Variants in FOXP1 observed in about 807,000 individuals in gnomAD.
FOXP1 encodes forkhead box protein P1.
Under a neutral mutation model 98.2 loss-of-function variants are expected in FOXP1, and 15 were observed. The ratio of observed to expected loss-of-function variants is 0.15; its 90% confidence interval spans 0.10 to 0.24. The LOEUF (loss-of-function observed/expected upper bound fraction) is 0.24. FOXP1 is among the 10% of genes least tolerant of loss of function. The probability of loss-of-function intolerance (pLI) is 1.00; values close to 1 mark genes in which losing one functional copy is unlikely to be tolerated. For synonymous variants in FOXP1, 371 were observed against 314.5 expected (o/e 1.18, Z -1.90); for missense variants, 633 against 848.5 (o/e 0.75, Z 3.15).
rs533532979 is a variant in FOXP1 at position 71,110,130 on chromosome 3, C to T, written c.282+2406G>A. ...CCACTTCTGCATGGTGGCTAAAAAC[C>T]CTGTAACAGGCAAGAAGAAAAAGAG... On this transcript the variant is annotated intron_variant, in intron 7 of 20. Coordinates refer to ENST00000649528, the MANE Select transcript of FOXP1 (RefSeq NM_001349338.3). Among the ~76,000 whole-genome samples the T allele has an allele frequency of 2.0e-5, 3 of 152,196 alleles. No individual in the cohort carries two copies. In the East Asian group the frequency reaches 5.8e-4, roughly 29 times the overall value.
intron 3 of FOXP1, among the ~76,000 whole-genome samples, chr3:71,457,683 G>A (rs774604437): frequency 1.3e-5 from 2 of 152,126 alleles, no homozygotes; most frequent in Admixed American, 6.5e-5. Flanking sequence ...GAGAACTCCT[G>A]TACACAAAAA....
intron 3 of FOXP1, among the ~76,000 whole-genome samples, chr3:71,465,320 AAAAAAAG>A (rs2088585308): frequency 7.4e-6 from 1 of 134,554 alleles, no homozygotes; most frequent in Non-Finnish European, 1.7e-5. Context: ...AAAAAAAAAA[AAAAAAAG>A]AAGAAGAAGA....
intron 12 of FOXP1, among the ~76,000 whole-genome samples, chr3:71,005,509 T>C (rs1270114300): frequency 6.6e-6 from 1 of 151,936 alleles, no homozygotes; most frequent in Non-Finnish European, 1.5e-5. Flanking sequence ...ATATATTATT[T>C]GGGGGAAATG....
chr3:71,047,991 T>C lies in FOXP1; in HGVS notation c.511-896A>G, dbSNP rs780711415. ...ATTTCCTCAGTAATTATCTGAGTGA[T>C]AGAAAGATAATACAGTGCAGTAGTA... On this transcript the variant is annotated intron_variant, in intron 9 of 20. Transcript: ENST00000649528. 5.3e-5 allele frequency among the ~76,000 whole-genome samples: 8 copies of C among 152,312 alleles called. No homozygotes were observed. The East Asian group carries it at 1.2e-3, about 22-fold the overall frequency.
At chr3:70,993,181 C>T (rs764662902) in intron 13 of FOXP1, among the ~76,000 whole-genome samples, 3 of 152,234 alleles carry the variant, frequency 2.0e-5, no homozygotes, top group Non-Finnish European at 4.4e-5. Context: ...GAAACTTGTG[C>T]ACTTTTCTCC....
At chr3:71,334,033 CAG>C (rs985767641) in intron 4 of FOXP1, 1 of 151,530 alleles carries the variant, frequency 6.6e-6, no homozygotes, top group Non-Finnish European at 1.5e-5. Context: ...CAAAATCAAA[CAG>C]AAATTAAGAG....
chr3:71,578,037 G>A (rs1050189639), intron 2 of FOXP1, among the ~76,000 whole-genome samples: 2 of 151,660 alleles, frequency 1.3e-5, no homozygotes, highest in Non-Finnish European at 2.9e-5. Context: ...TGTGACATCT[G>A]ACAGGATAAG....
chr3:71,533,945 C>T (rs1189105514), intron 2 of FOXP1, among the ~76,000 whole-genome samples: 1 of 152,014 alleles, frequency 6.6e-6, no homozygotes, highest in African/African-American at 2.4e-5. Context: ...CACGGGAAGC[C>T]CAATTGTTCA....
intron 6 of FOXP1, among the ~76,000 whole-genome samples, chr3:71,163,957 T>C (rs2061275063): frequency 6.6e-6 from 1 of 152,124 alleles, no homozygotes; most frequent in Admixed American, 6.5e-5. Flanking sequence ...TCCTTCACAA[T>C]GGCGACTGTG....
chr3:71,568,793 T>C (rs2047110799), intron 2 of FOXP1, among the ~76,000 whole-genome samples: 1 of 152,054 alleles, frequency 6.6e-6, no homozygotes, highest in Admixed American at 6.6e-5. Flanking sequence ...ATTACAGGCA[T>C]GAGCCACCAC....
chr3:71,393,891 C>T (rs1300113463), intron 3 of FOXP1, among the ~76,000 whole-genome samples: 2 of 152,186 alleles, frequency 1.3e-5, no homozygotes, highest in Non-Finnish European at 2.9e-5. Flanking sequence ...GATGGGATCT[C>T]ACTGTGTTGC....
intron 3 of FOXP1, among the ~76,000 whole-genome samples, chr3:71,439,634 T>C (rs1199915045): frequency 2.0e-5 from 3 of 152,110 alleles, no homozygotes; most frequent in Admixed American, 2.0e-4. Context: ...TTCAACAGAA[T>C]ATTATTCAGC....
Position 71,351,138 on chromosome 3 carries a change from A to T in FOXP1, c.-73+8012T>A, listed in dbSNP as rs577992085. ...ACTCATGAAAGGTTATCCTGCCACAAACAGGGAATCGCCTCCGTGAATGAA... is the reference window on the plus strand; with the variant it reads ...ACTCATGAAAGGTTATCCTGCCACATACAGGGAATCGCCTCCGTGAATGAA... On this transcript the variant is annotated intron_variant, in intron 4 of 20. Transcript: ENST00000649528. Among the ~76,000 whole-genome samples the T allele has an allele frequency of 6.8e-4, 103 of 152,298 alleles. 1 individual carries two copies. The highest frequency in any genetic ancestry group is 2.4e-3 in the African/African-American group (99 of 41,554).
chr3:71,414,336 G>C (rs931671944), intron 3 of FOXP1, among the ~76,000 whole-genome samples: 1 of 152,126 alleles, frequency 6.6e-6, no homozygotes, highest in Non-Finnish European at 1.5e-5. Flanking sequence ...CCCAGCTCGG[G>C]GCCCTGCACA....
chr3:71,279,433 G>T (rs1188277096), intron 5 of FOXP1, among the ~76,000 whole-genome samples: 1 of 152,078 alleles, frequency 6.6e-6, no homozygotes, highest in Admixed American at 6.5e-5. Context: ...GGGCAGGGGT[G>T]GTGAGTGGGG....
chr3:71,313,587 G>A (rs1183976477), intron 4 of FOXP1, among the ~76,000 whole-genome samples: 3 of 151,184 alleles, frequency 2.0e-5, no homozygotes, highest in Non-Finnish European at 2.9e-5. Flanking sequence ...GTGCAGTGGC[G>A]CTATCTCTGC....
chr3:71,337,468 T>C (rs1350978248), intron 4 of FOXP1, among the ~76,000 whole-genome samples: 14 of 152,298 alleles, frequency 9.2e-5, no homozygotes, highest in African/African-American at 2.9e-4. Flanking sequence ...ATGTGTATAG[T>C]TGGGAGTGGG....
intron 6 of FOXP1, among the ~76,000 whole-genome samples, chr3:71,123,869 T>C (rs2687759): frequency 0.31 from 47,124 of 152,080 alleles, 7,879 homozygotes; most frequent in East Asian, 0.61. Context: ...AAAATTGTAA[T>C]GTTTTTAGTG....
intron 7 of FOXP1, among the ~76,000 whole-genome samples, chr3:71,104,765 A>G (rs1317071226): frequency 1.3e-5 from 2 of 151,930 alleles, no homozygotes; most frequent in Non-Finnish European, 2.9e-5. Context: ...CATCCTGAAC[A>G]TTACCGGACG....
Sources: allele counts gnomAD v4.1 joint callset (sites outside exome capture counted in the v4.1 genomes callset), GRCh38; gene constraint gnomAD v4.1.1; transcripts MANE v1.5; gene names NCBI Gene and HGNC (gene_info 2026-07-23, HGNC 2026-07-21).